Variants in PTPRD observed in about 807,000 individuals in gnomAD.
The protein encoded by PTPRD is protein tyrosine phosphatase receptor type D.
In PTPRD, 34 loss-of-function variants were observed where a neutral mutation model predicts 214.5. The ratio of observed to expected loss-of-function variants is 0.16; its 90% CI spans 0.12 to 0.21. The LOEUF (loss-of-function observed/expected upper bound fraction) is 0.21, where lower values mean the gene tolerates loss of function less well. Ranked by LOEUF, PTPRD falls within the 10% of genes least tolerant of loss-of-function variation. The probability of loss-of-function intolerance (pLI) is 1.00; values close to 1 mark genes in which losing one functional copy is unlikely to be tolerated. For synonymous variants in PTPRD, 1,128 were observed against 845.7 expected (o/e 1.33, Z -5.79); for missense variants, 2,545 against 2,398.7 (o/e 1.06, Z -1.27).
intron 11 of PTPRD, among the ~76,000 whole-genome samples, chr9:8,773,518 T>G (rs1464054983): frequency 3.3e-5 from 5 of 152,188 alleles, no homozygotes; most frequent in African/African-American, 1.2e-4. Context: ...GTTGCATGTA[T>G]TTTATCTGTT....
intron 4 of PTPRD, among the ~76,000 whole-genome samples, chr9:10,025,299 C>T (rs2096902736): frequency 6.6e-6 from 1 of 152,158 alleles, no homozygotes; most frequent in Admixed American, 6.5e-5. Context: ...TCTGTTGTTT[C>T]CTGACATTTT....
At chr9:8,488,526 A>C (rs73640921) in intron 27 of PTPRD, among the ~76,000 whole-genome samples, 9,661 of 152,258 alleles carry the variant, frequency 0.063, 1,027 homozygotes, top group African/African-American at 0.22. Context: ...GAACCACATC[A>C]TTGTGTACTC....
intron 10 of PTPRD, among the ~76,000 whole-genome samples, chr9:9,104,702 T>C (rs567016290): frequency 6.6e-6 from 1 of 152,168 alleles, no homozygotes; most frequent in Non-Finnish European, 1.5e-5. Flanking sequence ...TGTCTCTTTG[T>C]TTACTTCCTG....
At chr9:9,844,049 C>A (rs1230321065) in intron 5 of PTPRD, among the ~76,000 whole-genome samples, 1 of 151,914 alleles carries the variant, frequency 6.6e-6, no homozygotes, top group African/African-American at 2.4e-5. Flanking sequence ...TTCATTTCAA[C>A]CATGTTCTTT....
At chr9:9,509,234 A>G (rs1249016016) in intron 8 of PTPRD, among the ~76,000 whole-genome samples, 2 of 151,612 alleles carry the variant, frequency 1.3e-5, no homozygotes, top group African/African-American at 2.4e-5. Context: ...AATTATGGGA[A>G]AAAAACCCAT....
intron 11 of PTPRD, among the ~76,000 whole-genome samples, chr9:8,774,209 C>T (rs2095363604): frequency 6.6e-6 from 1 of 152,194 alleles, no homozygotes; most frequent in Admixed American, 6.5e-5. Flanking sequence ...ATGATACTTG[C>T]ATTTTCAACC....
At chr9:8,888,571 G>T (rs1395998748) in intron 11 of PTPRD, among the ~76,000 whole-genome samples, 1 of 152,172 alleles carries the variant, frequency 6.6e-6, no homozygotes, top group Non-Finnish European at 1.5e-5. Flanking sequence ...TTTATGAAAG[G>T]TTTCCCAACA....
intron 3 of PTPRD, among the ~76,000 whole-genome samples, chr9:10,208,323 G>A (rs1046054876): frequency 1.6e-4 from 25 of 152,286 alleles, no homozygotes; most frequent in Non-Finnish European, 3.1e-4. Context: ...CGCCATCCTG[G>A]CTAACACGGT....
chr9:10,548,988 C>A (rs1305333969), intron 2 of PTPRD, among the ~76,000 whole-genome samples: 1 of 152,168 alleles, frequency 6.6e-6, no homozygotes, highest in East Asian at 1.9e-4. Context: ...CTGCTTTGAA[C>A]ATTTTCCACA....
intron 8 of PTPRD, among the ~76,000 whole-genome samples, chr9:9,408,959 T>A (rs977670661): frequency 2.6e-5 from 4 of 151,878 alleles, no homozygotes; most frequent in African/African-American, 4.8e-5. Flanking sequence ...TTGCAAAATA[T>A]ATTAAGGCCT....
chr9:8,528,717 G>A lies in PTPRD; in HGVS notation c.415C>T (p.Arg139Cys), dbSNP rs772278559. ...DMGPQLKVVE[R>C]TRTATMLCAA... is the part of the protein sequence containing the mutation. ...CAAAGCATGGTGGCCGTGCGAGTAC[G>A]CTCAACCACCTTCAACTGTGGGCCC... The change falls in exon 15 of 46, where the codon CGT (arginine) becomes TGT (cysteine). Residue 139 changes from arginine to cysteine, a missense_variant. Transcript: ENST00000381196. 2 of 1,613,592 alleles carry A rather than the reference G, an allele frequency of 1.2e-6. No homozygotes were observed. Among genetic ancestry groups the A allele is most frequent in the Non-Finnish European group, 8.5e-7 (1 of 1,179,708 alleles).
chr9:8,507,177 A>G, intron 22 of PTPRD, 124 bp downstream of exon 22: 1 of 1,106,754 alleles, frequency 9.0e-7, no homozygotes. Context: ...TCTTTTAATT[A>G]GTAAATCTTT....
At chr9:9,058,482 G>A (rs1293060348) in intron 10 of PTPRD, among the ~76,000 whole-genome samples, 3 of 74,314 alleles carry the variant, frequency 4.0e-5, no homozygotes, top group Admixed American at 2.1e-4. Flanking sequence ...ACGGAGTCTC[G>A]CTGTCGCCCA....
intron 2 of PTPRD, among the ~76,000 whole-genome samples, chr9:10,454,843 A>T (rs1183907074): frequency 6.6e-6 from 1 of 151,634 alleles, no homozygotes; most frequent in Non-Finnish European, 1.5e-5. Flanking sequence ...ACATGCACAC[A>T]CACATATAAT....
intron 4 of PTPRD, among the ~76,000 whole-genome samples, chr9:9,938,842 A>G (rs1055754178): frequency 2.6e-5 from 4 of 152,076 alleles, no homozygotes; most frequent in African/African-American, 9.7e-5. Context: ...CTTCCTTATA[A>G]AAGGTTATTT....
chr9:10,597,712 C>A (rs1045410657), intron 2 of PTPRD, among the ~76,000 whole-genome samples: 3 of 151,732 alleles, frequency 2.0e-5, no homozygotes, highest in Non-Finnish European at 1.5e-5. Context: ...GGAATATCGG[C>A]TGTAATTAGA....
intron 7 of PTPRD, among the ~76,000 whole-genome samples, chr9:9,657,205 A>T (rs934515880): frequency 6.6e-6 from 1 of 152,170 alleles, no homozygotes; most frequent in Non-Finnish European, 1.5e-5. Context: ...TAAAGTTTAT[A>T]AATTTTATAG....
intron 9 of PTPRD, among the ~76,000 whole-genome samples, chr9:9,197,662 C>T (rs886407706): frequency 2.6e-5 from 4 of 152,150 alleles, no homozygotes; most frequent in Admixed American, 6.5e-5. Flanking sequence ...CTGCCCGCCA[C>T]GGCCTCCCAA....
intron 7 of PTPRD, among the ~76,000 whole-genome samples, chr9:9,726,690 A>T (rs141436787): frequency 6.6e-6 from 1 of 152,194 alleles, no homozygotes; most frequent in East Asian, 1.9e-4. Flanking sequence ...AGACATTTTC[A>T]TATGTCTCAA....
Sources: gnomAD v4.1 joint callset for allele counts (sites outside exome capture counted in the v4.1 genomes callset) on GRCh38, gnomAD v4.1.1 for gene constraint, MANE v1.5 for transcripts, NCBI Gene and HGNC (gene_info 2026-07-23, HGNC 2026-07-21) for gene names.